ARHGAP29: variants seen among roughly 807,000 people sequenced by gnomAD.
ARHGAP29 encodes rho GTPase-activating protein 29.
Under a neutral mutation model 122.6 loss-of-function variants are expected in ARHGAP29, and 43 were observed. The observed-to-expected ratio is 0.35, with a 90% CI of 0.27 to 0.45. The LOEUF is 0.45. ARHGAP29 is among the 20% of genes least tolerant of loss of function. ARHGAP29 has a pLI of 1.00. For synonymous variants in ARHGAP29, 506 were observed against 497.1 expected (o/e 1.02, Z -0.24); for missense variants, 1,303 against 1,477.2 (o/e 0.88, Z 1.93).
intron 1 of ARHGAP29, among the ~76,000 whole-genome samples, chr1:94,262,187 G>T (rs923117354): frequency 4.6e-5 from 7 of 152,164 alleles, no homozygotes; most frequent in African/African-American, 1.7e-4. Flanking sequence ...ATGGTTCTGG[G>T]ATAACTGGCT....
chr1:94,267,340 A>G (rs1453406371), intron 1 of ARHGAP29, among the ~76,000 whole-genome samples: 2 of 152,324 alleles, frequency 1.3e-5, no homozygotes, highest in East Asian at 3.9e-4. Context: ...CAAGTCTTGC[A>G]TATGGATTGT....
At chr1:94,306,009 C>A in the ARHGAP29 span, among the ~76,000 whole-genome samples, 1 of 152,248 alleles carries the variant, frequency 6.6e-6, no homozygotes, top group South Asian at 2.1e-4. Context: ...ATGAGACCAG[C>A]TTCCCATAGC....
intron 1 of ARHGAP29, among the ~76,000 whole-genome samples, chr1:94,269,917 G>T (rs1654926194): frequency 6.6e-6 from 1 of 152,034 alleles, no homozygotes; most frequent in Non-Finnish European, 1.5e-5. Context: ...TCCAGATAGA[G>T]GTCATTTTCG....
At position 94,256,536 on chromosome 1, in the gene ARHGAP29, C is replaced by CTTTTTTTTTT. The variant is rs530295333; in HGVS notation, c.-33+18466_-33+18475dup. ...CAGAAATAGATTTAACAGTACTAAT[C>CTTTTTTTTTT]TTTTTTTTTTTTTTTTTTTTTTTTT... On this transcript the variant is annotated intron_variant and NMD_transcript_variant, in intron 1 of 25. Transcript: ENST00000552844. 7.9e-4 allele frequency among the ~76,000 whole-genome samples: 36 copies of CTTTTTTTTTT among 45,328 alleles called. 11 individuals carry two copies. The highest frequency in any genetic ancestry group is 3.8e-3 in the East Asian group (3 of 780). The allele number at this position is 45,328 out of a possible 152,430, so 29.7% of individuals were successfully genotyped here. A position where few individuals can be genotyped will look rare whatever the true frequency, so the allele number is the denominator to read the frequency against.
chr1:94,189,887 TA>T, intron 13 of ARHGAP29, 38 bp downstream of exon 13: 1 of 1,594,788 alleles, frequency 6.3e-7, no homozygotes, highest in East Asian at 2.2e-5. Flanking sequence ...TTAAGTGTTT[TA>T]TATTTTGAAA....
the ARHGAP29 span, among the ~76,000 whole-genome samples, chr1:94,286,982 G>A: frequency 6.6e-6 from 1 of 152,134 alleles, no homozygotes. Context: ...CCTGGAGGTA[G>A]CATTAGATCC....
chr1:94,232,960 G>GCT (rs1277626363), intron 1 of ARHGAP29, among the ~76,000 whole-genome samples: 1 of 150,382 alleles, frequency 6.6e-6, no homozygotes, highest in Non-Finnish European at 1.5e-5. Context: ...GGGGGGAAGG[G>GCT]TTGAGTCTGG....
At chr1:94,273,108 G>A (rs2100736051) in intron 1 of ARHGAP29, among the ~76,000 whole-genome samples, 1 of 152,298 alleles carries the variant, frequency 6.6e-6, no homozygotes, top group Non-Finnish European at 1.5e-5. Context: ...ATGGATAGAT[G>A]AGTACTTAAA....
At chr1:94,245,965 T>C (rs577630060) in intron 1 of ARHGAP29, among the ~76,000 whole-genome samples, 7 of 152,290 alleles carry the variant, frequency 4.6e-5, no homozygotes, top group Non-Finnish European at 8.8e-5. Context: ...CTGAGGTAGA[T>C]ACACTATTTT....
At position 94,175,877 on chromosome 1, in the gene ARHGAP29, G is replaced by GT. The variant is rs773967064; in HGVS notation, c.2906-1129dup. On this transcript the variant is annotated intron_variant, in intron 22 of 22. Transcript: ENST00000260526. ...CTGCTACCATGCCCAGATAATTTTT[G>GT]TATTTTTAATAGAGACAGGGTTTCA... 1.5e-3 allele frequency among the ~76,000 whole-genome samples: 224 copies of GT among 152,118 alleles called. 2 individuals are homozygous for GT. The highest frequency in any genetic ancestry group is 1.6e-3 in the Non-Finnish European group (111 of 67,984).
the ARHGAP29 span, among the ~76,000 whole-genome samples, chr1:94,309,592 G>A: frequency 1.3e-5 from 2 of 152,196 alleles, no homozygotes; most frequent in Non-Finnish European, 2.9e-5. Context: ...GAGAATGTGG[G>A]ACAAGGAAAG....
At chr1:94,247,624 C>T (rs1449280484) in intron 1 of ARHGAP29, among the ~76,000 whole-genome samples, 1 of 151,594 alleles carries the variant, frequency 6.6e-6, no homozygotes, top group Non-Finnish European at 1.5e-5. Flanking sequence ...CGGCCGCCGC[C>T]ACCGCCGAGG....
intron 5 of ARHGAP29, 28 bp downstream of exon 5, chr1:94,208,803 GA>G: frequency 6.2e-7 from 1 of 1,602,950 alleles, no homozygotes; most frequent in Non-Finnish European, 8.5e-7. Flanking sequence ...AAACATTAAA[GA>G]CTTTGCTTTC....
At chr1:94,216,431 G>C (rs1450858092) in intron 3 of ARHGAP29, among the ~76,000 whole-genome samples, 1 of 152,138 alleles carries the variant, frequency 6.6e-6, no homozygotes, top group South Asian at 2.1e-4. Flanking sequence ...CCGTGTATTT[G>C]CTTGTATATG....
In ARHGAP29 at chr1:94,169,430, TGAGG is replaced by T. The variant is rs1648579388; in HGVS notation, c.*4435_*4438del. Reference sequence around the variant, plus strand: ...GACAGCAGCTGGCATGTCAAGAGGTTGAGGGAGGGAGGAAGAATGAACAAATTAT... The same window carrying T: ...GACAGCAGCTGGCATGTCAAGAGGTTGAGGGAGGAAGAATGAACAAATTAT... On this transcript the variant is annotated 3_prime_UTR_variant, in exon 23 of 23. Coordinates refer to ENST00000260526, the MANE Select transcript of ARHGAP29 (RefSeq NM_004815.4). Among the ~76,000 whole-genome samples the T allele has an allele frequency of 6.6e-6, 1 of 152,042 alleles. No individual in the cohort carries two copies. The highest frequency in any genetic ancestry group is 1.5e-5 in the Non-Finnish European group (1 of 67,992).
At chr1:94,306,380 T>A in the ARHGAP29 span, among the ~76,000 whole-genome samples, 5 of 152,224 alleles carry the variant, frequency 3.3e-5, no homozygotes, top group African/African-American at 1.2e-4. Flanking sequence ...TGTGCCCTCA[T>A]GGCCGTGAAC....
At chr1:94,178,267 C>T (rs1649235186) in intron 20 of ARHGAP29, 100 bp from the exon 21 acceptor site, 1 of 1,110,676 alleles carries the variant, frequency 9.0e-7, no homozygotes, top group East Asian at 2.4e-5. Context: ...AAATGAGCTG[C>T]ACAAAAATAC....
the ARHGAP29 span, among the ~76,000 whole-genome samples, chr1:94,304,095 A>G: frequency 1.3e-5 from 2 of 152,154 alleles, no homozygotes; most frequent in Admixed American, 1.3e-4. Context: ...CTCGTAGCAT[A>G]TGCTAGTTAT....
At chr1:94,305,595 T>C in the ARHGAP29 span, among the ~76,000 whole-genome samples, 1 of 152,196 alleles carries the variant, frequency 6.6e-6, no homozygotes, top group Non-Finnish European at 1.5e-5. Context: ...ATTAGGCTTT[T>C]GTAATGGACC....
Sources: allele counts gnomAD v4.1 joint callset (sites outside exome capture counted in the v4.1 genomes callset), GRCh38; gene constraint gnomAD v4.1.1; transcripts MANE v1.5; gene names NCBI Gene and HGNC (gene_info 2026-07-23, HGNC 2026-07-21).